The following KCNG3 variants were observed in gnomAD, a reference collection of about 807,000 sequenced individuals.
The protein encoded by KCNG3 is potassium voltage-gated channel modifier subfamily G member 3.
A neutral mutation model predicts 29.0 loss-of-function variants in KCNG3; 15 were observed. The ratio of observed to expected loss-of-function variants is 0.52; its 90% CI spans 0.35 to 0.80. The LOEUF (loss-of-function observed/expected upper bound fraction) is 0.80. Among genes scored for constraint, KCNG3 ranks in the 30% least tolerant of loss-of-function variants. The pLI is 0.01. For missense variants in KCNG3, 512 were observed against 605.7 expected, an observed-to-expected ratio of 0.85 and a Z score of 1.62; for synonymous variants, 322 against 248.9, an observed-to-expected ratio of 1.29 and a Z score of -2.76.
chr2:42,492,284 C>T (rs1673899759), intron 1 of KCNG3, among the ~76,000 whole-genome samples: 2 of 152,156 alleles, frequency 1.3e-5, no homozygotes, highest in South Asian at 4.1e-4. Flanking sequence ...GAAAAGGGCA[C>T]AGACATCCAT....
At chr2:42,400,919 A>G in the KCNG3 span, among the ~76,000 whole-genome samples, 1 of 152,016 alleles carries the variant, frequency 6.6e-6, no homozygotes, top group African/African-American at 2.4e-5. Flanking sequence ...AAATTCATCT[A>G]TTATAAATAT....
intron 1 of KCNG3, among the ~76,000 whole-genome samples, chr2:42,485,251 A>G (rs780182215): frequency 2.6e-5 from 4 of 152,190 alleles, no homozygotes; most frequent in Non-Finnish European, 2.9e-5. Flanking sequence ...TTTAGAAAAA[A>G]ATTTCTAAAG....
the KCNG3 span, among the ~76,000 whole-genome samples, chr2:42,414,553 C>CTTTTTTTTTT: frequency 7.1e-6 from 1 of 141,728 alleles, no homozygotes; most frequent in Non-Finnish European, 1.6e-5. Flanking sequence ...ACTTTCTTTT[C>CTTTTTTTTTT]TTTTTTTTTT....
the KCNG3 span, among the ~76,000 whole-genome samples, chr2:42,392,731 C>G: frequency 2.0e-5 from 3 of 150,606 alleles, no homozygotes; most frequent in African/African-American, 7.3e-5. Flanking sequence ...GAAGTAATCT[C>G]GATGAATGAG....
At chr2:42,455,388 G>A (rs752067492) in intron 1 of KCNG3, among the ~76,000 whole-genome samples, 3 of 152,172 alleles carry the variant, frequency 2.0e-5, no homozygotes, top group Admixed American at 6.5e-5. Context: ...AGAATTGAAC[G>A]AGATTGTTCC....
At chr2:42,449,091 G>C (rs764198420) in intron 1 of KCNG3, among the ~76,000 whole-genome samples, 2 of 151,992 alleles carry the variant, frequency 1.3e-5, no homozygotes, top group Admixed American at 6.6e-5. Flanking sequence ...TGGTATATGT[G>C]GGGGGTCCTG....
the KCNG3 span, among the ~76,000 whole-genome samples, chr2:42,398,224 AAAAT>A: frequency 0.12 from 16,593 of 141,206 alleles, 1,049 homozygotes; most frequent in Middle Eastern, 0.2. Flanking sequence ...CTCTGTCTCA[AAAAT>A]AAATAAATAA....
At chr2:42,404,382 G>T in the KCNG3 span, among the ~76,000 whole-genome samples, 1,159 of 152,268 alleles carry the variant, frequency 7.6e-3, 18 homozygotes, top group African/African-American at 0.027. Context: ...CTCTAGAAAT[G>T]ACTCCCAGAA....
At position 42,479,661 on chromosome 2, in the gene KCNG3, G is replaced by T. The variant is rs548935111; in HGVS notation, c.665+13176C>A. Among the ~76,000 whole-genome samples the T allele has an allele frequency of 2.1e-3, 309 of 146,842 alleles. 1 individual carries two copies. The highest frequency in any genetic ancestry group is 7.4e-3 in the African/African-American group (291 of 39,294). The stretch of plus-strand genomic sequence containing the variant: ...ACCCTGTCTCAAAAAAAAAAAAAAA[G>T]AAAGAAAAATAAAGAAAAAAAGAGT... On this transcript the variant is annotated intron_variant, in intron 1 of 1. Transcript: ENST00000306078.
the KCNG3 span, among the ~76,000 whole-genome samples, chr2:42,409,107 C>T: frequency 5.3e-5 from 8 of 152,262 alleles, no homozygotes; most frequent in Non-Finnish European, 7.4e-5. Flanking sequence ...TCACACACCC[C>T]TTGCCATTCC....
intron 1 of KCNG3, among the ~76,000 whole-genome samples, chr2:42,449,514 C>CTTTTTTTTTTTTTTTTTTT (rs36088470): frequency 1.0e-5 from 1 of 99,462 alleles, no homozygotes; most frequent in Non-Finnish European, 2.0e-5. Context: ...ACTGAGATTT[C>CTTTTTTTTTTTTTTTTTTT]TTTTTTTTTT....
At chr2:42,426,991 T>A in the KCNG3 span, among the ~76,000 whole-genome samples, 2 of 152,238 alleles carry the variant, frequency 1.3e-5, no homozygotes, top group African/African-American at 4.8e-5. Context: ...ACATTCTCAA[T>A]GTACTTAATA....
chr2:42,473,678 G>GA (rs1673348604), intron 1 of KCNG3, among the ~76,000 whole-genome samples: 1 of 152,036 alleles, frequency 6.6e-6, no homozygotes, highest in South Asian at 2.1e-4. Flanking sequence ...TTATTTCACA[G>GA]ATTGATTTGT....
chr2:42,459,474 G>A (rs1300764932), intron 1 of KCNG3, among the ~76,000 whole-genome samples: 2 of 152,228 alleles, frequency 1.3e-5, no homozygotes, highest in African/African-American at 4.8e-5. Context: ...GTTGAGACAG[G>A]TCACTTGTAG....
At chr2:42,410,348 TACA>T in the KCNG3 span, among the ~76,000 whole-genome samples, 1 of 152,212 alleles carries the variant, frequency 6.6e-6, no homozygotes, top group Non-Finnish European at 1.5e-5. Context: ...GATCAAGGGA[TACA>T]CGCATTTGCA....
chr2:42,426,932 T>A, the KCNG3 span, among the ~76,000 whole-genome samples: 1 of 152,190 alleles, frequency 6.6e-6, no homozygotes, highest in Non-Finnish European at 1.5e-5. Context: ...ACCAAGAAAG[T>A]GAGGTATAAC....
At chr2:42,460,787 G>C (rs953485086) in intron 1 of KCNG3, among the ~76,000 whole-genome samples, 1 of 152,102 alleles carries the variant, frequency 6.6e-6, no homozygotes, top group African/African-American at 2.4e-5. Context: ...AAATGGAAAG[G>C]CAAGTGAAGA....
At chr2:42,421,369 T>G in the KCNG3 span, among the ~76,000 whole-genome samples, 1 of 152,142 alleles carries the variant, frequency 6.6e-6, no homozygotes, top group Non-Finnish European at 1.5e-5. Flanking sequence ...CCTAATCTAT[T>G]ATAGGGTTCA....
Position 42,493,065 on chromosome 2 carries a change from T to G in KCNG3, c.437A>C (p.Glu146Ala). The change falls in exon 1 of 2, where the codon GAG becomes GCG. Residue 146 changes from glutamate (E) to alanine (A), a missense_variant. This residue lies in a region of KCNG3 where 228 missense variants were observed against 200.0 expected (regional missense o/e 1.14). Coordinates refer to ENST00000306078, the MANE Select transcript of KCNG3 (RefSeq NM_133329.6). ...GRDEARPGGA[E>A]AAPSRRWLER... ...CAGCCAGCGCCTGGAGGGAGCCGCC[T>G]CGGCCCCGCCGGGGCGCGCCTCGTC... 1 of 1,536,332 alleles carries G rather than the reference T, an allele frequency of 6.5e-7. No homozygotes were observed. Among genetic ancestry groups the G allele is most frequent in the Non-Finnish European group, 8.7e-7 (1 of 1,145,438 alleles).
Sources: gnomAD v4.1 joint callset for allele counts (sites outside exome capture counted in the v4.1 genomes callset) on GRCh38, gnomAD v4.1.1 for gene constraint, gnomAD v4.1.1 regional missense constraint, MANE v1.5 for transcripts, NCBI Gene and HGNC (gene_info 2026-07-23, HGNC 2026-07-21) for gene names.